FBXL17: variants seen among roughly 807,000 people sequenced by gnomAD.
The protein encoded by FBXL17 is F-box and leucine rich repeat protein 17, also known as F-box/LRR-repeat protein 17.
FBXL17 carries 22 observed loss-of-function variants against 66.2 expected under a neutral mutation model. That is an observed-to-expected ratio of 0.33 (90% CI 0.24 to 0.47). The LOEUF (loss-of-function observed/expected upper bound fraction) is 0.47. FBXL17 is among the 20% of genes least tolerant of loss of function. FBXL17 has a pLI of 1.00. For synonymous variants in FBXL17, 474 were observed against 400.5 expected (o/e 1.18, Z -2.19); for missense variants, 878 against 948.2 (o/e 0.93, Z 0.97).
chr5:108,252,916 C>T (rs1269425538), intron 4 of FBXL17, among the ~76,000 whole-genome samples: 1 of 152,182 alleles, frequency 6.6e-6, no homozygotes, highest in Non-Finnish European at 1.5e-5. Context: ...ATCAGTTACA[C>T]CTATACTCTT....
intron 5 of FBXL17, among the ~76,000 whole-genome samples, chr5:108,217,122 C>G (rs2150067825): frequency 6.6e-6 from 1 of 152,198 alleles, no homozygotes; most frequent in East Asian, 1.9e-4. Context: ...GCCAAGACAG[C>G]CCACAGACTA....
At chr5:107,879,901 C>A (rs1442335486) in intron 8 of FBXL17, 2 of 985,338 alleles carry the variant, frequency 2.0e-6, no homozygotes, top group African/African-American at 3.5e-5. Context: ...ACTCCAAAGA[C>A]CCGGCATGAA....
chr5:108,238,138 G>T (rs1180910910), intron 4 of FBXL17, among the ~76,000 whole-genome samples: 1 of 152,132 alleles, frequency 6.6e-6, no homozygotes, highest in Non-Finnish European at 1.5e-5. Context: ...AGAACACATT[G>T]GCACTTGTCA....
In FBXL17 at chr5:108,151,754, T is replaced by A. The variant is rs151145124; in HGVS notation, c.1745+34363A>T. The stretch of plus-strand genomic sequence containing the variant: ...ACACCTATGTTTCCATTTACATTTT[T>A]ACCTCTGCGAAAAACCTGGCAGACA... On this transcript the variant is annotated intron_variant, in intron 6 of 8. Coordinates refer to ENST00000542267, the MANE Select transcript of FBXL17 (RefSeq NM_001163315.3). 5.2e-4 allele frequency among the ~76,000 whole-genome samples: 79 copies of A among 152,338 alleles called. 2 individuals are homozygous for A. The Middle Eastern group carries it at 0.014, about 26-fold the overall frequency.
intron 5 of FBXL17, among the ~76,000 whole-genome samples, chr5:108,206,915 C>T (rs1185780046): frequency 6.6e-6 from 1 of 152,050 alleles, no homozygotes; most frequent in African/African-American, 2.4e-5. Context: ...AGCAGGTACA[C>T]ATTTAACAGT....
Position 107,860,532 on chromosome 5 carries a change from A to G in FBXL17, c.*1188T>C, listed in dbSNP as rs1748093657. ...CTGGCAATCCTTAATTAAACAAAGAAATGCTTATTTCTGACAAGTGTAAAC... is the reference window on the plus strand; with the variant it reads ...CTGGCAATCCTTAATTAAACAAAGAGATGCTTATTTCTGACAAGTGTAAAC... On this transcript the variant is annotated 3_prime_UTR_variant, in exon 9 of 9. Coordinates refer to ENST00000542267, the MANE Select transcript of FBXL17 (RefSeq NM_001163315.3). The G allele has an allele frequency of 6.6e-6, 1 of 152,666 alleles. No individual in the cohort carries two copies. Among genetic ancestry groups the G allele is most frequent in the African/African-American group, 2.4e-5 (1 of 41,458 alleles). 9.5% of individuals were successfully genotyped at this position (152,666 alleles called of 1,614,324 possible).
At chr5:107,990,809 C>T (rs572875781) in intron 7 of FBXL17, among the ~76,000 whole-genome samples, 10 of 152,274 alleles carry the variant, frequency 6.6e-5, no homozygotes, top group Admixed American at 2.0e-4. Context: ...GAACCTATCT[C>T]ATGGTGTCTT....
At chr5:108,125,135 G>A (rs989966358) in intron 6 of FBXL17, among the ~76,000 whole-genome samples, 1 of 151,770 alleles carries the variant, frequency 6.6e-6, no homozygotes, top group Non-Finnish European at 1.5e-5. Flanking sequence ...AAGAATGCTT[G>A]AAACCAAAGA....
intron 6 of FBXL17, among the ~76,000 whole-genome samples, chr5:108,150,208 C>G (rs978882582): frequency 6.6e-6 from 1 of 152,040 alleles, no homozygotes; most frequent in Non-Finnish European, 1.5e-5. Context: ...ATTATCATAC[C>G]CAAGAAATTT....
chr5:108,105,965 T>C (rs1474443245), intron 6 of FBXL17, among the ~76,000 whole-genome samples: 1 of 152,194 alleles, frequency 6.6e-6, no homozygotes, highest in African/African-American at 2.4e-5. Context: ...ATTTTACATA[T>C]TGCTTTACTG....
chr5:107,904,477 T>C (rs1223963761), intron 7 of FBXL17, among the ~76,000 whole-genome samples: 7 of 152,292 alleles, frequency 4.6e-5, no homozygotes, highest in South Asian at 4.1e-4. Context: ...CTAGCTTTCT[T>C]AGAAAGGAAA....
At position 108,021,017 on chromosome 5, in the gene FBXL17, A is replaced by G; in HGVS notation, c.1746-16T>C. The G allele has an allele frequency of 1.3e-6, 2 of 1,598,210 alleles. No individual in the cohort carries two copies. The highest frequency in any genetic ancestry group is 1.7e-6 in the Non-Finnish European group (2 of 1,166,610). On this transcript the variant is annotated splice_polypyrimidine_tract_variant and intron_variant, in intron 6 of 8. Coordinates refer to ENST00000542267, the MANE Select transcript of FBXL17 (RefSeq NM_001163315.3). ...CTCCACACACCTGAAACATACAAAA[A>G]GTGGTTATACTAATGCGTTTCAAGT...
chr5:108,177,775 GA>G (rs1305835781), intron 6 of FBXL17, among the ~76,000 whole-genome samples: 1 of 151,712 alleles, frequency 6.6e-6, no homozygotes, highest in African/African-American at 2.4e-5. Context: ...TGAAAATAGG[GA>G]TAATTCCTTC....
At chr5:108,241,197 C>T (rs1755840697) in intron 4 of FBXL17, among the ~76,000 whole-genome samples, 1 of 152,106 alleles carries the variant, frequency 6.6e-6, no homozygotes, top group South Asian at 2.1e-4. Flanking sequence ...AGATACGTGA[C>T]CTTTCAAAGA....
At chr5:108,324,348 G>T (rs527528648) in intron 4 of FBXL17, among the ~76,000 whole-genome samples, 2 of 152,098 alleles carry the variant, frequency 1.3e-5, no homozygotes, top group Non-Finnish European at 2.9e-5. Context: ...TGAATCATTA[G>T]GGAGATGCAA....
chr5:108,095,377 G>A (rs1580433578), intron 6 of FBXL17, among the ~76,000 whole-genome samples: 1 of 151,996 alleles, frequency 6.6e-6, no homozygotes, highest in African/African-American at 2.4e-5. Flanking sequence ...AAGAAAGAGA[G>A]GGGATGATAT....
At chr5:108,022,361 A>G (rs1561372092) in intron 6 of FBXL17, among the ~76,000 whole-genome samples, 1 of 152,054 alleles carries the variant, frequency 6.6e-6, no homozygotes, top group Non-Finnish European at 1.5e-5. Context: ...AAATAAATTC[A>G]TTTAAAAAAG....
intron 6 of FBXL17, among the ~76,000 whole-genome samples, chr5:108,071,430 T>C (rs1488117467): frequency 1.3e-5 from 2 of 152,228 alleles, no homozygotes; most frequent in African/African-American, 4.8e-5. Context: ...ATTCATGTCA[T>C]GATTGTGATC....
chr5:108,048,744 G>A (rs1561384959), intron 6 of FBXL17, among the ~76,000 whole-genome samples: 1 of 152,146 alleles, frequency 6.6e-6, no homozygotes, highest in Non-Finnish European at 1.5e-5. Context: ...AAGGCATGCA[G>A]ACAAGATTAG....
Sources: allele counts gnomAD v4.1 joint callset (sites outside exome capture counted in the v4.1 genomes callset), GRCh38; gene constraint gnomAD v4.1.1; transcripts MANE v1.5; gene names NCBI Gene and HGNC (gene_info 2026-07-23, HGNC 2026-07-21).